Variants in SYNE2 observed in about 807,000 individuals in gnomAD.
The protein encoded by SYNE2 is spectrin repeat containing nuclear envelope protein 2, also known as nesprin-2.
A neutral mutation model predicts 856.3 loss-of-function variants in SYNE2; 431 were observed. The observed-to-expected ratio is 0.50, with a 90% CI of 0.47 to 0.55. The LOEUF is 0.55. SYNE2 is among the 20% of genes least tolerant of loss of function. SYNE2 has a pLI of 0.00. For synonymous variants in SYNE2, 2,923 were observed against 2,872.3 expected, an observed-to-expected ratio of 1.02 and a Z score of -0.56; for missense variants, 8,129 against 8,023.2, an observed-to-expected ratio of 1.01 and a Z score of -0.50.
At chr14:63,868,509 A>G (rs1296892251) in intron 1 of SYNE2, among the ~76,000 whole-genome samples, 1 of 152,086 alleles carries the variant, frequency 6.6e-6, no homozygotes, top group Non-Finnish European at 1.5e-5. Flanking sequence ...ATATTGATGA[A>G]ATCTTAGTAA....
Position 64,087,683 on chromosome 14 carries a change from G to A in SYNE2, c.11497G>A (p.Asp3833Asn). ...TGTGTTTATCTAGATGGCTTTGGAA[G>A]ATTCAGAACAGAAGCACAATCTTTT... The part of the protein sequence containing the change: ...HASTVQMALE[D>N]SEQKHNLLHS... Residue 3833 changes from aspartate (D) to asparagine (N), a missense_variant, in exon 58 of 116, where the codon GAT becomes AAT. By Grantham distance (23) the Asp-to-Asn change is conservative. Transcript: ENST00000555002. 1 of 1,614,068 alleles carries A rather than the reference G, an allele frequency of 6.2e-7. No individual in the cohort carries two copies. The highest frequency in any genetic ancestry group is 2.2e-5 in the East Asian group (1 of 44,848).
intron 1 of SYNE2, among the ~76,000 whole-genome samples, chr14:63,890,053 CTTTTTTTTTT>C (rs71123813): frequency 2.1e-5 from 2 of 95,062 alleles, no homozygotes; most frequent in Non-Finnish European, 4.1e-5. Flanking sequence ...TTCTTTCTTT[CTTTTTTTTTT>C]TTTTTTTTTT....
Position 64,125,148 on chromosome 14 carries a change from C to A in SYNE2, c.13492C>A (p.Leu4498Met). The stretch of plus-strand genomic sequence containing the variant: ...CTTTAGATACCCAACAACTGAAGAA[C>A]TGAAAACCTATACCACCCAACTTGA... Reference protein sequence around the residue: ...YNFRYPTTEELKTYTTQLEDL... With the variant: ...YNFRYPTTEEMKTYTTQLEDL... The change falls in exon 71 of 116, where the codon CTG (leucine) becomes ATG (methionine). Residue 4498 changes from leucine to methionine, a missense_variant. Physicochemically the swap from Leu to Met is conservative, Grantham distance 15. Transcript: ENST00000555002. 1 of 1,614,176 alleles carries A rather than the reference C, an allele frequency of 6.2e-7. No individual in the cohort carries two copies. Among genetic ancestry groups the A allele is most frequent in the Non-Finnish European group, 8.5e-7 (1 of 1,180,032 alleles).
At chr14:64,202,111 C>T in intron 99 of SYNE2, 1 of 691,092 alleles carries the variant, frequency 1.4e-6, no homozygotes, top group Non-Finnish European at 2.6e-6. Context: ...CGGATGGGAG[C>T]TGAGGCAGAC....
At chr14:63,825,085 G>A (rs537732613) in intron 1 of SYNE2, among the ~76,000 whole-genome samples, 32 of 151,924 alleles carry the variant, frequency 2.1e-4, no homozygotes, top group African/African-American at 7.5e-4. Context: ...GGGTGACAGA[G>A]GTAGACTGTT....
intron 1 of SYNE2, among the ~76,000 whole-genome samples, chr14:63,801,230 G>T (rs1306796506): frequency 6.6e-6 from 1 of 152,080 alleles, no homozygotes; most frequent in Non-Finnish European, 1.5e-5. Context: ...GAGTCAAAAG[G>T]TTACTCATAA....
In SYNE2 at chr14:64,129,798, C is replaced by T. The variant is rs1438439383; in HGVS notation, c.14036C>T (p.Thr4679Ile). ...AEQLQKADAY[T>I]VELENAESRV... ...CTCACTTAGAAAGCAGATGCATATA[C>T]AGTGGAGCTGGAGAACGCCGAGAGC... The change falls in exon 75 of 116, where the codon ACA becomes ATA. Residue 4679 changes from threonine (T) to isoleucine (I), a missense_variant. Thr to Ile is a moderately conservative substitution (Grantham distance 89, BLOSUM62 -1). Coordinates refer to ENST00000555002, the MANE Select transcript of SYNE2 (RefSeq NM_182914.3). The T allele has an allele frequency of 6.2e-7, 1 of 1,614,110 alleles. No homozygotes were observed. The highest frequency in any genetic ancestry group is 1.3e-5 in the African/African-American group (1 of 75,034).
intron 79 of SYNE2, 98 bp downstream of exon 79, chr14:64,138,081 T>G: frequency 1.4e-6 from 2 of 1,405,120 alleles, no homozygotes; most frequent in South Asian, 2.5e-5. Context: ...ACCCACCTTA[T>G]GCTGTTTTTT....
chr14:63,974,870 G>C (rs867642728), intron 11 of SYNE2, among the ~76,000 whole-genome samples: 10 of 32,702 alleles, frequency 3.1e-4, no homozygotes, highest in African/African-American at 1.2e-3. Context: ...GTGTGTGTGT[G>C]TGTGTGTGTG....
intron 19 of SYNE2, among the ~76,000 whole-genome samples, chr14:63,987,103 A>C (rs1294607225): frequency 1.3e-5 from 2 of 152,114 alleles, no homozygotes; most frequent in Admixed American, 6.5e-5. Flanking sequence ...AATACAAAAA[A>C]TTAGCTGGAC....
intron 3 of SYNE2, 83 bp downstream of exon 3, chr14:63,940,758 T>TA (rs1198611148): frequency 5.8e-6 from 7 of 1,209,554 alleles, no homozygotes; most frequent in Non-Finnish European, 7.3e-6. Context: ...AGGAGGCCAT[T>TA]AAAAAATGGT....
intron 1 of SYNE2, among the ~76,000 whole-genome samples, chr14:63,775,737 G>A (rs1285098833): frequency 6.6e-6 from 1 of 152,026 alleles, no homozygotes; most frequent in African/African-American, 2.4e-5. Context: ...GCGTGCCACC[G>A]CCCCTGGCTA....
chr14:63,839,826 C>T (rs369521160), intron 1 of SYNE2, among the ~76,000 whole-genome samples: 30 of 152,192 alleles, frequency 2.0e-4, no homozygotes, highest in African/African-American at 6.7e-4. Flanking sequence ...GACATTATTC[C>T]ACACCCTGAA....
intron 106 of SYNE2, among the ~76,000 whole-genome samples, chr14:64,214,713 G>T (rs2098657550): frequency 6.6e-6 from 1 of 152,178 alleles, no homozygotes; most frequent in Non-Finnish European, 1.5e-5. Flanking sequence ...AGGTTACTCA[G>T]TGATGGCTCT....
At chr14:64,118,648 G>T (rs2097871775) in intron 66 of SYNE2, among the ~76,000 whole-genome samples, 1 of 152,054 alleles carries the variant, frequency 6.6e-6, no homozygotes, top group South Asian at 2.1e-4. Context: ...AGATCACGAG[G>T]TCAGGAGTTT....
In SYNE2 at chr14:64,163,428, A is replaced by C. The variant is rs2098344062; in HGVS notation, c.16326A>C (p.Thr5442=). 3 of 1,614,132 alleles carry C rather than the reference A, an allele frequency of 1.9e-6. No homozygotes were observed. Among genetic ancestry groups the C allele is most frequent in the Non-Finnish European group, 2.5e-6 (3 of 1,180,040 alleles). The stretch of plus-strand genomic sequence containing the variant: ...AGCTGCAGCATGATGTGCAGAAAAC[A>C]AAAGAAGCCTTTCTCCAAAATTCCA... ...IKELQHDVQK[T]KEAFLQNSSV... Residue 5442 remains threonine (T), a synonymous_variant, in exon 89 of 116, where the codon ACA becomes ACC. Transcript: ENST00000555002.
Position 64,128,481 on chromosome 14 carries a change from C to T in SYNE2, c.13947C>T (p.Leu4649=). 6.2e-7 allele frequency: 1 copy of T among 1,600,930 alleles called. No homozygotes were observed. The highest frequency in any genetic ancestry group is 8.6e-7 in the Non-Finnish European group (1 of 1,168,004). The change falls in exon 74 of 116, where the codon CTC becomes CTT. Residue 4649 remains leucine (L), a synonymous_variant. Coordinates refer to ENST00000555002, the MANE Select transcript of SYNE2 (RefSeq NM_182914.3). ...QNEIKRLYHQ[L]IKSKTSLQQS... ...AAATAAAGAGATTATATCATCAGCT[C>T]ATTAAGAGTAAGACATCTTTACAAC...
chr14:64,090,801 T>C (rs2097605453), intron 59 of SYNE2, 65 bp from the exon 60 acceptor site: 2 of 1,384,120 alleles, frequency 1.4e-6, no homozygotes, highest in African/African-American at 2.9e-5. Context: ...TAATTTTGAA[T>C]AATTAAATTT....
intron 1 of SYNE2, among the ~76,000 whole-genome samples, chr14:63,762,328 G>A (rs756975594): frequency 2.8e-4 from 42 of 151,956 alleles, no homozygotes; most frequent in Admixed American, 1.0e-3. Flanking sequence ...CCAGTTACTT[G>A]GGAGGCTGAG....
Sources: allele counts gnomAD v4.1 joint callset (sites outside exome capture counted in the v4.1 genomes callset), GRCh38; gene constraint gnomAD v4.1.1; transcripts MANE v1.5; gene names NCBI Gene and HGNC (gene_info 2026-07-23, HGNC 2026-07-21).